GPR160: variants seen among roughly 807,000 people sequenced by gnomAD.
GPR160 encodes probable G protein-coupled receptor 160.
Under a neutral mutation model 2.6 loss-of-function variants are expected in GPR160, and 2 were observed. The observed-to-expected ratio is 0.77, with a 90% confidence interval of 0.32 to 2.44. The LOEUF (loss-of-function observed/expected upper bound fraction) is 2.44. Ranked by LOEUF, GPR160 falls within the 30% of genes most tolerant of loss-of-function variation. GPR160 has a pLI of 0.11. For synonymous variants in GPR160, 130 were observed against 132.2 expected (o/e 0.98, Z 0.12); for missense variants, 351 against 383.6 (o/e 0.91, Z 0.71).
At chr3:170,063,596 A>C (rs1366972105) in intron 2 of GPR160, among the ~76,000 whole-genome samples, 1 of 142,634 alleles carries the variant, frequency 7.0e-6, no homozygotes, top group Non-Finnish European at 1.5e-5. Flanking sequence ...GATTAGAGCC[A>C]AACGTGAACT....
intron 2 of GPR160, among the ~76,000 whole-genome samples, chr3:170,064,514 CTTTTTTTTTT>C (rs1175382810): frequency 2.2e-4 from 18 of 81,052 alleles, no homozygotes; most frequent in African/African-American, 6.1e-4. Context: ...CTTTTCTTTT[CTTTTTTTTTT>C]TTTTTTTTTT....
chr3:170,052,169 G>A (rs7634463), intron 2 of GPR160, among the ~76,000 whole-genome samples: 41,513 of 151,912 alleles, frequency 0.27, 6,558 homozygotes, highest in East Asian at 0.59. Flanking sequence ...CAAGTGATCC[G>A]CCCACCTTGG....
At chr3:170,065,798 A>AT (rs1430394001) in intron 2 of GPR160, among the ~76,000 whole-genome samples, 1 of 152,188 alleles carries the variant, frequency 6.6e-6, no homozygotes, top group East Asian at 1.9e-4. Context: ...AATGTGTTTA[A>AT]TTTTTTGAAT....
chr3:170,085,006 T>A lies in GPR160; in HGVS notation c.*17T>A, dbSNP rs997794790. On this transcript the variant is annotated 3_prime_UTR_variant, in exon 4 of 4. Coordinates refer to ENST00000355897, the MANE Select transcript of GPR160 (RefSeq NM_014373.3). Reference sequence around the variant, plus strand: ...ATTTGTTAATATTATTAATTAAAAGTTACAGCTGTCATAAGATCATAATTT... The same window carrying A: ...ATTTGTTAATATTATTAATTAAAAGATACAGCTGTCATAAGATCATAATTT... 7.9e-7 allele frequency: 1 copy of A among 1,266,046 alleles called. No homozygotes were observed. Among genetic ancestry groups the A allele is most frequent in the Non-Finnish European group, 1.1e-6 (1 of 918,764 alleles). 78.4% of individuals were successfully genotyped at this position (1,266,046 alleles called of 1,614,324 possible).
chr3:170,067,317 A>G (rs2108334950), intron 2 of GPR160, among the ~76,000 whole-genome samples: 1 of 152,136 alleles, frequency 6.6e-6, no homozygotes, highest in Non-Finnish European at 1.5e-5. Context: ...TTTTTTTAAG[A>G]GTGATGCTGA....
chr3:170,082,964 A>G (rs368841731), intron 3 of GPR160, among the ~76,000 whole-genome samples: 2,547 of 124,170 alleles, frequency 0.021, 70 homozygotes, highest in African/African-American at 0.068. Context: ...TGTTCTTGTC[A>G]TTTTTGGGGT....
intron 3 of GPR160, among the ~76,000 whole-genome samples, chr3:170,082,130 G>T (rs1465843969): frequency 3.3e-5 from 5 of 152,114 alleles, no homozygotes; most frequent in African/African-American, 1.2e-4. Context: ...TTGGGAAAAA[G>T]AAAGTATACT....
intron 2 of GPR160, chr3:170,063,330 T>C (rs995991547): frequency 1.1e-4 from 16 of 151,700 alleles, no homozygotes; most frequent in African/African-American, 3.4e-4. Context: ...GGTCAGGAGA[T>C]TGAGACCAGC....
intron 2 of GPR160, among the ~76,000 whole-genome samples, chr3:170,052,522 A>G (rs1408188563): frequency 1.3e-5 from 2 of 152,092 alleles, no homozygotes; most frequent in Admixed American, 1.3e-4. Context: ...CCATTTGTAC[A>G]TATTCTTTTT....
At chr3:170,078,668 A>C (rs1712982820) in intron 2 of GPR160, among the ~76,000 whole-genome samples, 1 of 152,216 alleles carries the variant, frequency 6.6e-6, no homozygotes, top group African/African-American at 2.4e-5. Context: ...CTTTAGAGGC[A>C]AGTCAATACC....
chr3:170,084,886 G>C lies in GPR160; in HGVS notation c.914G>C (p.Gly305Ala). The part of the protein sequence containing the change: ...NCHKLNLKDI[G>A]LPLDPFVNWK... Reference sequence around the variant, plus strand: ...CACAAGCTTAATTTAAAAGACATTGGATTACCTTTGGATCCATTTGTCAAC... The same window carrying C: ...CACAAGCTTAATTTAAAAGACATTGCATTACCTTTGGATCCATTTGTCAAC... The change falls in exon 4 of 4, where the codon GGA becomes GCA. Residue 305 changes from glycine to alanine, a missense_variant. Physicochemically the swap from Gly to Ala is moderately conservative, Grantham distance 60. Coordinates refer to ENST00000355897, the MANE Select transcript of GPR160 (RefSeq NM_014373.3). The C allele has an allele frequency of 6.2e-7, 1 of 1,606,850 alleles. No homozygotes were observed. The highest frequency in any genetic ancestry group is 1.3e-5 in the African/African-American group (1 of 74,878).
At chr3:170,053,537 T>C (rs1717047794) in intron 2 of GPR160, among the ~76,000 whole-genome samples, 2 of 152,170 alleles carry the variant, frequency 1.3e-5, no homozygotes, top group Non-Finnish European at 2.9e-5. Flanking sequence ...ATAAATGCCA[T>C]CTACAAATAG....
At chr3:170,050,240 CT>C (rs958716794) in intron 2 of GPR160, among the ~76,000 whole-genome samples, 136 of 137,994 alleles carry the variant, frequency 9.9e-4, no homozygotes, top group Admixed American at 8.0e-4. Flanking sequence ...ACTTCTTCTT[CT>C]TTTTTTTTTT....
Position 170,054,009 on chromosome 3 carries a change from G to T in GPR160, c.-193+14966G>T, listed in dbSNP as rs757002761. 8.6e-4 allele frequency among the ~76,000 whole-genome samples: 129 copies of T among 150,192 alleles called. 1 individual carries two copies. Among genetic ancestry groups the T allele is most frequent in the African/African-American group, 3.0e-3 (123 of 40,830 alleles). ...TTAACACTTGAATATCTTGGCATTT[G>T]TGCATGGAATATTAGTTCAGGAACA... On this transcript the variant is annotated intron_variant, in intron 2 of 3. Coordinates refer to ENST00000355897, the MANE Select transcript of GPR160 (RefSeq NM_014373.3).
chr3:170,051,881 TATATC>T (rs1396192461), intron 2 of GPR160, among the ~76,000 whole-genome samples: 3 of 152,340 alleles, frequency 2.0e-5, no homozygotes, highest in African/African-American at 7.2e-5. Flanking sequence ...TTTTTAATCT[TATATC>T]TAATAAGTAC....
At chr3:170,066,316 A>G (rs927437428) in intron 2 of GPR160, among the ~76,000 whole-genome samples, 4 of 151,186 alleles carry the variant, frequency 2.6e-5, no homozygotes, top group East Asian at 1.9e-4. Flanking sequence ...AATTTTTGGT[A>G]TTTTTAGTAG....
Position 170,044,324 on chromosome 3 carries a change from CAAA to C in GPR160, c.-193+5294_-193+5296del, listed in dbSNP as rs57817027. On this transcript the variant is annotated intron_variant, in intron 2 of 3. Coordinates refer to ENST00000355897, the MANE Select transcript of GPR160 (RefSeq NM_014373.3). Reference sequence around the variant, plus strand: ...GGGGAAGAAGAGCGAAACTCCATCTCAAAAAAAAAAAAAAAGAGAAGAGAAAAA... The same window carrying C: ...GGGGAAGAAGAGCGAAACTCCATCTCAAAAAAAAAAAAGAGAAGAGAAAAA... 1.6e-4 allele frequency among the ~76,000 whole-genome samples: 14 copies of C among 89,238 alleles called. 1 individual carries two copies. The highest frequency in any genetic ancestry group is 6.2e-4 in the African/African-American group (13 of 21,056). 58.5% of individuals were successfully genotyped at this position (89,238 alleles called of 152,430 possible).
Position 170,084,355 on chromosome 3 carries a change from C to T in GPR160, c.383C>T (p.Thr128Ile). 6.2e-7 allele frequency: 1 copy of T among 1,609,214 alleles called. No individual in the cohort carries two copies. Among genetic ancestry groups the T allele is most frequent in the Non-Finnish European group, 8.5e-7 (1 of 1,176,698 alleles). Residue 128 changes from threonine (T) to isoleucine (I), a missense_variant, in exon 4 of 4, where the codon ACC becomes ATC. Physicochemically the swap from Thr to Ile is moderately conservative, Grantham distance 89. Coordinates refer to ENST00000355897, the MANE Select transcript of GPR160 (RefSeq NM_014373.3). ...IDYCLNFSKT[T>I]KLSFKCQKLF... Reference sequence around the variant, plus strand: ...TATTGCCTGAATTTCTCTAAAACAACCAAGCTTTCATTTAAGTGTCAAAAA... The same window carrying T: ...TATTGCCTGAATTTCTCTAAAACAATCAAGCTTTCATTTAAGTGTCAAAAA...
At chr3:170,065,993 G>A (rs1712308606) in intron 2 of GPR160, among the ~76,000 whole-genome samples, 1 of 151,932 alleles carries the variant, frequency 6.6e-6, no homozygotes, top group Non-Finnish European at 1.5e-5. Context: ...CTGGGTTCAA[G>A]CAATCCTCCT....
Sources: allele counts gnomAD v4.1 joint callset (sites outside exome capture counted in the v4.1 genomes callset), GRCh38; gene constraint gnomAD v4.1.1; transcripts MANE v1.5; gene names NCBI Gene and HGNC (gene_info 2026-07-23, HGNC 2026-07-21).